MRPS6: variants seen among roughly 807,000 people sequenced by gnomAD.
MRPS6 encodes the protein small ribosomal subunit protein bS6m.
In MRPS6, 6 loss-of-function variants were observed where a neutral mutation model predicts 13.1. The ratio of observed to expected loss-of-function variants is 0.46; its 90% confidence interval spans 0.25 to 0.91. MRPS6 has a LOEUF of 0.91. Ranked by LOEUF, MRPS6 falls within the 40% of genes least tolerant of loss-of-function variation. The probability of loss-of-function intolerance (pLI) is 0.18; values close to 1 mark genes in which losing one functional copy is unlikely to be tolerated. For missense variants in MRPS6, 164 were observed against 155.6 expected (o/e 1.05, Z -0.29); for synonymous variants, 61 against 56.5 (o/e 1.08, Z -0.36).
intron 1 of MRPS6, chr21:34,100,493 A>G: frequency 1.0e-6 from 1 of 1,000,228 alleles, no homozygotes; most frequent in Non-Finnish European, 1.2e-6. Flanking sequence ...CCTTCGGCCT[A>G]AATTCAATAG....
At chr21:34,121,705 G>T (rs1043698637) in intron 1 of MRPS6, among the ~76,000 whole-genome samples, 5 of 152,126 alleles carry the variant, frequency 3.3e-5, no homozygotes, top group Non-Finnish European at 7.4e-5. Flanking sequence ...AATTATGGCA[G>T]CAAGATCATT....
At chr21:34,090,294 A>T (rs16991185) in intron 1 of MRPS6, among the ~76,000 whole-genome samples, 1 of 152,214 alleles carries the variant, frequency 6.6e-6, no homozygotes, top group African/African-American at 2.4e-5. Context: ...GGACAGTCCT[A>T]TGTGAGTACA....
intron 1 of MRPS6, among the ~76,000 whole-genome samples, chr21:34,089,633 T>A (rs1978578048): frequency 6.6e-6 from 1 of 152,284 alleles, no homozygotes; most frequent in South Asian, 2.1e-4. Context: ...TGGTTTACTT[T>A]GGAAATTATC....
At chr21:34,135,659 A>C in intron 2 of MRPS6, 1 of 376,370 alleles carries the variant, frequency 2.7e-6, no homozygotes, top group African/African-American at 2.1e-5. Flanking sequence ...GTCCCTGCTC[A>C]CCCAAAGCCT....
chr21:34,113,284 G>A (rs1399949678), intron 1 of MRPS6, among the ~76,000 whole-genome samples: 3 of 152,228 alleles, frequency 2.0e-5, no homozygotes, highest in Admixed American at 2.0e-4. Flanking sequence ...TCCTGTGTTC[G>A]TTGCAACACT....
At position 34,125,365 on chromosome 21, in the gene MRPS6, C is replaced by T. The variant is rs767980704; in HGVS notation, c.70C>T (p.Arg24Cys). ...QRPETAATLK[R>C]TIEALMDRGA... is the part of the protein sequence containing the mutation. ...GCCAGAGACTGCTGCTACTTTGAAA[C>T]GTACGATAGAGGCCCTGATGGACAG... is the stretch of plus-strand genomic sequence containing the variant. Residue 24 changes from arginine (R) to cysteine (C), a missense_variant, in exon 2 of 3, where the codon CGT becomes TGT. Arg to Cys is a radical substitution (Grantham distance 180). Coordinates refer to ENST00000399312, the MANE Select transcript of MRPS6 (RefSeq NM_032476.4). The T allele has an allele frequency of 3.6e-5, 58 of 1,612,294 alleles. No homozygotes were observed. In the Admixed American group the frequency reaches 5.9e-4, roughly 16 times the overall value.
At chr21:34,102,866 G>A (rs1298751162) in intron 1 of MRPS6, 3 of 999,798 alleles carry the variant, frequency 3.0e-6, no homozygotes, top group African/African-American at 1.7e-5. Flanking sequence ...ATCAATAAGA[G>A]GAATACATAT....
At chr21:34,102,769 T>C (rs1979306103) in intron 1 of MRPS6, 2 of 999,822 alleles carry the variant, frequency 2.0e-6, no homozygotes, top group African/African-American at 1.7e-5. Context: ...TTTTGCTCTA[T>C]ACCACTGAAA....
At chr21:34,121,899 G>A in intron 1 of MRPS6, among the ~76,000 whole-genome samples, 1 of 152,170 alleles carries the variant, frequency 6.6e-6, no homozygotes, top group Non-Finnish European at 1.5e-5. Flanking sequence ...TGGAATAGTG[G>A]ATTAGTGGAA....
At chr21:34,139,076 T>C (rs1182407479) in intron 2 of MRPS6, among the ~76,000 whole-genome samples, 8 of 151,210 alleles carry the variant, frequency 5.3e-5, no homozygotes, top group Admixed American at 6.6e-5. Context: ...CTCAGTAAAC[T>C]GTTGCAAGGA....
chr21:34,121,489 C>A (rs555763434), intron 1 of MRPS6, among the ~76,000 whole-genome samples: 1 of 151,818 alleles, frequency 6.6e-6, no homozygotes, highest in Non-Finnish European at 1.5e-5. Flanking sequence ...TCATTCATTC[C>A]TTTCTTTCTG....
rs540261027 is a variant in MRPS6, at chr21:34,102,761, T to A, written c.46-22580T>A. On this transcript the variant is annotated intron_variant, in intron 1 of 2. Transcript: ENST00000399312. ...TTTTCGTAGTGTGGGAACAGTGGTT[T>A]TGCTCTATACCACTGAAAAGCACTA... 1.7e-5 allele frequency: 17 copies of A among 1,000,162 alleles called. No homozygotes were observed. In the Admixed American group the frequency reaches 9.8e-4, roughly 58 times the overall value. The allele number at this position is 1,000,162 out of a possible 1,614,324, so 62.0% of individuals were successfully genotyped here. A position where few individuals can be genotyped will look rare whatever the true frequency, so the allele number is the denominator to read the frequency against.
At chr21:34,079,253 A>G (rs756254793) in intron 1 of MRPS6, among the ~76,000 whole-genome samples, 21 of 152,234 alleles carry the variant, frequency 1.4e-4, no homozygotes, top group Non-Finnish European at 2.1e-4. Context: ...TTCAGAGTCC[A>G]TAAGTAAAGT....
At chr21:34,124,695 T>C (rs1980240652) in intron 1 of MRPS6, 1 of 152,290 alleles carries the variant, frequency 6.6e-6, no homozygotes, top group South Asian at 2.1e-4. Context: ...GAAACCCTTC[T>C]TCCAGCTGAA....
chr21:34,083,269 A>G (rs1209104971), intron 1 of MRPS6, among the ~76,000 whole-genome samples: 1 of 152,206 alleles, frequency 6.6e-6, no homozygotes, highest in East Asian at 1.9e-4. Flanking sequence ...TGCTGGGAAG[A>G]TGCTCTTGCA....
At chr21:34,083,121 G>C (rs1989496472) in intron 1 of MRPS6, among the ~76,000 whole-genome samples, 1 of 152,146 alleles carries the variant, frequency 6.6e-6, no homozygotes, top group African/African-American at 2.4e-5. Context: ...ACCTACCCTG[G>C]AGTGGTTAAG....
At chr21:34,129,055 C>T (rs1328453260) in intron 2 of MRPS6, among the ~76,000 whole-genome samples, 4 of 152,126 alleles carry the variant, frequency 2.6e-5, no homozygotes, top group South Asian at 2.1e-4. Flanking sequence ...ATCTGCTCTG[C>T]GGGACAGACA....
At chr21:34,141,973 T>G (rs1482227528) in intron 2 of MRPS6, among the ~76,000 whole-genome samples, 3 of 152,220 alleles carry the variant, frequency 2.0e-5, no homozygotes, top group Non-Finnish European at 1.5e-5. Context: ...TTAGGTGTGT[T>G]AGTTCACAGG....
chr21:34,115,444 G>C (rs951367580), intron 1 of MRPS6, among the ~76,000 whole-genome samples: 2 of 152,112 alleles, frequency 1.3e-5, no homozygotes, highest in Non-Finnish European at 2.9e-5. Context: ...TCTGATTCTG[G>C]GACCAGTACT....
Sources: allele counts gnomAD v4.1 joint callset (sites outside exome capture counted in the v4.1 genomes callset), GRCh38; gene constraint gnomAD v4.1.1; transcripts MANE v1.5; gene names NCBI Gene and HGNC (gene_info 2026-07-23, HGNC 2026-07-21).